Variants in INHBA observed in about 807,000 individuals in gnomAD.
The protein encoded by INHBA is inhibin beta A chain.
A neutral mutation model predicts 29.0 loss-of-function variants in INHBA; 1 was observed. The ratio of observed to expected loss-of-function variants is 0.03; its 90% CI spans 0.01 to 0.16. The LOEUF (loss-of-function observed/expected upper bound fraction) is 0.16. Ranked by LOEUF, INHBA falls within the 10% of genes least tolerant of loss-of-function variation. INHBA has a pLI of 1.00. For missense variants in INHBA, 376 were observed against 545.4 expected, an observed-to-expected ratio of 0.69 and a Z score of 3.09; for synonymous variants, 242 against 216.8, an observed-to-expected ratio of 1.12 and a Z score of -1.02.
In INHBA at chr7:41,688,829, T is replaced by C; in HGVS notation, c.*821A>G. ...AGAAAATAAAAATTAATCAGATTACTTCCAATACAAAAAAGTCTCTCTTTT... is the reference window on the plus strand; with the variant it reads ...AGAAAATAAAAATTAATCAGATTACCTCCAATACAAAAAAGTCTCTCTTTT... On this transcript the variant is annotated 3_prime_UTR_variant, in exon 3 of 3. Transcript: ENST00000242208. 4.6e-6 allele frequency: 1 copy of C among 216,704 alleles called. No homozygotes were observed. Among genetic ancestry groups the C allele is most frequent in the Non-Finnish European group, 9.3e-6 (1 of 107,648 alleles). The allele number at this position is 216,704 out of a possible 1,614,324, so 13.4% of individuals were successfully genotyped here. A position where few individuals can be genotyped will look rare whatever the true frequency, so the allele number is the denominator to read the frequency against.
chr7:41,700,092 C>T lies in INHBA; in HGVS notation c.283G>A (p.Val95Ile), dbSNP rs752403730. The T allele has an allele frequency of 1.9e-6, 3 of 1,614,128 alleles. No homozygotes were observed. Among genetic ancestry groups the T allele is most frequent in the South Asian group, 1.1e-5 (1 of 91,074 alleles). Reference protein sequence around the residue: ...NAIRKLHVGKVGENGYVEIED... With the variant: ...NAIRKLHVGKIGENGYVEIED... ...ATCTCCACATACCCGTTCTCCCCGA[C>T]TTTGCCCACATGAAGCTTTCTGATC... Residue 95 changes from valine (V) to isoleucine (I), a missense_variant, in exon 2 of 3, where the codon GTC (valine) becomes ATC (isoleucine). Coordinates refer to ENST00000242208, the MANE Select transcript of INHBA (RefSeq NM_002192.4).
intron 2 of INHBA, among the ~76,000 whole-genome samples, chr7:41,693,082 T>C (rs1024208083): frequency 6.6e-6 from 1 of 152,212 alleles, no homozygotes. Flanking sequence ...CTTCTGCCTC[T>C]ATGCAGGACA....
chr7:41,699,306 G>A (rs1794718647), intron 2 of INHBA, among the ~76,000 whole-genome samples: 1 of 152,014 alleles, frequency 6.6e-6, no homozygotes, highest in Admixed American at 6.5e-5. Context: ...TTTTCTTTCA[G>A]AGAGCAAAAG....
Position 41,700,477 on chromosome 7 carries a change from T to A in INHBA, c.-103A>T. The A allele has an allele frequency of 8.4e-7, 1 of 1,186,408 alleles. No individual in the cohort carries two copies. Among genetic ancestry groups the A allele is most frequent in the Middle Eastern group, 2.9e-4 (1 of 3,430 alleles). 73.5% of individuals were successfully genotyped at this position (1,186,408 alleles called of 1,614,324 possible). The stretch of plus-strand genomic sequence containing the variant: ...TGTGTGTGGATTTTTTTATTTTTTT[T>A]TTTGGTGTTTTTTTTTTCCTTCTCC... On this transcript the variant is annotated 5_prime_UTR_variant, in exon 2 of 3. Transcript: ENST00000242208.
In INHBA at chr7:41,700,841, A is replaced by AAGAGAGAGAGAGAGAGAGAGAG. The variant is rs3030163; in HGVS notation, c.-143-346_-143-325dup. On this transcript the variant is annotated intron_variant, in intron 1 of 2. Coordinates refer to ENST00000242208, the MANE Select transcript of INHBA (RefSeq NM_002192.4). ...AGGGGGAGAGGGAGAGAGGGAAAGG[A>AAGAGAGAGAGAGAGAGAGAGAG]AGAGAGAGAGAGAGAGAGAGAGAGA... is the stretch of plus-strand genomic sequence containing the variant. Among the ~76,000 whole-genome samples, 391 of 79,132 alleles carry AAGAGAGAGAGAGAGAGAGAGAG rather than the reference A, an allele frequency of 4.9e-3. 15 individuals are homozygous for AAGAGAGAGAGAGAGAGAGAGAG. The highest frequency in any genetic ancestry group is 6.6e-3 in the African/African-American group (133 of 20,250). 51.9% of individuals were successfully genotyped at this position (79,132 alleles called of 152,430 possible).
In INHBA at chr7:41,690,403, G is replaced by A. The variant is rs146274825; in HGVS notation, c.528C>T (p.Phe176=). Residue 176 remains phenylalanine (F), a synonymous_variant, in exon 3 of 3, where the codon TTC becomes TTT. Transcript: ENST00000242208. ...RTRTKVTIRL[F]QQQKHPQGSL... ...TGCCCTGCGGGTGCTTCTGCTGCTGGAAGAGGCGGATGGTGACTTTGGTCC... is the reference window on the plus strand; with the variant it reads ...TGCCCTGCGGGTGCTTCTGCTGCTGAAAGAGGCGGATGGTGACTTTGGTCC... 18 of 1,613,986 alleles carry A rather than the reference G, an allele frequency of 1.1e-5. No homozygotes were observed. Among genetic ancestry groups the A allele is most frequent in the African/African-American group, 4.0e-5 (3 of 74,912 alleles).
rs1209966702 is a variant in INHBA, at chr7:41,686,918, T to TTCTG, written c.*2731_*2732insCAGA. ...AATTTCTCACACTGTTTCTGCAGGT[T>TTCTG]CCGGTACCAAAGAAGATGCAGTTCA... is the stretch of plus-strand genomic sequence containing the variant. On this transcript the variant is annotated 3_prime_UTR_variant, in exon 3 of 3. Coordinates refer to ENST00000242208, the MANE Select transcript of INHBA (RefSeq NM_002192.4). 6.6e-6 allele frequency: 1 copy of TTCTG among 152,208 alleles called. No homozygotes were observed. The highest frequency in any genetic ancestry group is 1.9e-4 in the East Asian group (1 of 5,198). The allele number at this position is 152,208 out of a possible 1,614,324, so 9.4% of individuals were successfully genotyped here. A position where few individuals can be genotyped will look rare whatever the true frequency, so the allele number is the denominator to read the frequency against.
chr7:41,703,992 G>A (rs1328628700), upstream of INHBA, among the ~76,000 whole-genome samples: 2 of 152,120 alleles, frequency 1.3e-5, no homozygotes, highest in Non-Finnish European at 2.9e-5. Context: ...AGGAGGAAGG[G>A]GTCCTCTGAC....
At chr7:41,699,836 G>T in intron 2 of INHBA, 151 bp downstream of exon 2, 1 of 622,136 alleles carries the variant, frequency 1.6e-6, no homozygotes, top group Non-Finnish European at 2.8e-6. Context: ...CCCTCCGTCG[G>T]CTAGTCCGCT....
At position 41,687,052 on chromosome 7, in the gene INHBA, G is replaced by A. The variant is rs1411072394; in HGVS notation, c.*2598C>T. ...CCTTCCCACATGCATGATATCCAAG[G>A]TCGACAGACCTGGATTAGAATCCAC... On this transcript the variant is annotated 3_prime_UTR_variant, in exon 3 of 3. Transcript: ENST00000242208. 2 of 152,180 alleles carry A rather than the reference G, an allele frequency of 1.3e-5. No individual in the cohort carries two copies. The highest frequency in any genetic ancestry group is 2.4e-5 in the African/African-American group (1 of 41,436). 9.4% of individuals were successfully genotyped at this position (152,180 alleles called of 1,614,324 possible). A position where few individuals can be genotyped will look rare whatever the true frequency, so the allele number is the denominator to read the frequency against.
intron 1 of INHBA, among the ~76,000 whole-genome samples, chr7:41,701,055 T>G (rs1007661771): frequency 1.3e-5 from 2 of 152,112 alleles, no homozygotes; most frequent in Admixed American, 1.3e-4. Context: ...CTACTTTCTC[T>G]TCTAAAATAA....
chr7:41,700,267 C>T lies in INHBA; in HGVS notation c.108G>A (p.Pro36=), dbSNP rs745928293. The change falls in exon 2 of 3, where the codon CCG becomes CCA. Residue 36 remains proline (P), a synonymous_variant. Transcript: ENST00000242208. ...SEGHSAAPDC[P]SCALAALPKD... ...TTGGGAGGGCGGCCAGCGCACAGGA[C>T]GGACAGTCGGGGGCCGCGCTGTGCC... The T allele has an allele frequency of 3.7e-6, 6 of 1,606,598 alleles. No individual in the cohort carries two copies. The highest frequency in any genetic ancestry group is 3.3e-5 in the South Asian group (3 of 90,292).
rs771243659 is a variant in INHBA, at chr7:41,689,747, T to C, written c.1184A>G (p.Lys395Arg). 2.6e-5 allele frequency: 42 copies of C among 1,613,912 alleles called. No individual in the cohort carries two copies. In the Admixed American group the frequency reaches 6.7e-4, roughly 26 times the overall value. Residue 395 changes from lysine (K) to arginine (R), a missense_variant, in exon 3 of 3, where the codon AAG becomes AGG. Physicochemically the swap from Lys to Arg is conservative, Grantham distance 26. Coordinates refer to ENST00000242208, the MANE Select transcript of INHBA (RefSeq NM_002192.4). ...GTACAACATGGACATGGGTCTCAGC[T>C]TGGTGGGCACACAGCACGATTTGAG... ...ANLKSCCVPT[K>R]LRPMSMLYYD...
In INHBA at chr7:41,689,013, G is replaced by A. The variant is rs1794441064; in HGVS notation, c.*637C>T. On this transcript the variant is annotated 3_prime_UTR_variant, in exon 3 of 3. Transcript: ENST00000242208. ...TTAATGTTGTTTGTTTTGTTTTGTT[G>A]CAAAAGTGGTACAGAAAAAGGAAGT... The A allele has an allele frequency of 4.3e-6, 1 of 232,402 alleles. No homozygotes were observed. The highest frequency in any genetic ancestry group is 6.0e-5 in the East Asian group (1 of 16,546). The allele number at this position is 232,402 out of a possible 1,614,324, so 14.4% of individuals were successfully genotyped here.
At chr7:41,704,882 A>G (rs1794879412), upstream of INHBA, among the ~76,000 whole-genome samples, 1 of 152,070 alleles carries the variant, frequency 6.6e-6, no homozygotes, top group South Asian at 2.1e-4. Context: ...AGGAATCTGC[A>G]GCTCTCTGAC....
chr7:41,694,681 C>G (rs1047177991), intron 2 of INHBA, among the ~76,000 whole-genome samples: 6 of 152,172 alleles, frequency 3.9e-5, no homozygotes, highest in Admixed American at 3.3e-4. Context: ...GGCTTGTGAG[C>G]AAGGCTGTAT....
rs540587378 is a variant in INHBA at position 41,689,587 on chromosome 7, C to A, written c.*63G>T. The A allele has an allele frequency of 1.4e-5, 16 of 1,172,798 alleles. No individual in the cohort carries two copies. Among genetic ancestry groups the A allele is most frequent in the Admixed American group, 3.3e-5 (1 of 30,696 alleles). 72.6% of individuals were successfully genotyped at this position (1,172,798 alleles called of 1,614,324 possible). A position where few individuals can be genotyped will look rare whatever the true frequency, so the allele number is the denominator to read the frequency against. On this transcript the variant is annotated 3_prime_UTR_variant, in exon 3 of 3. Transcript: ENST00000242208. Reference sequence around the variant, plus strand: ...GTTAACTCAGAAACCTTAAAAATTTCTTCATTTTGCCACTGTCTTCTCTGG... The same window carrying A: ...GTTAACTCAGAAACCTTAAAAATTTATTCATTTTGCCACTGTCTTCTCTGG...
chr7:41,688,820 T>A lies in INHBA; in HGVS notation c.*830A>T, dbSNP rs1180292487. On this transcript the variant is annotated 3_prime_UTR_variant, in exon 3 of 3. Transcript: ENST00000242208. ...TCTCCTTGAAGAAAATAAAAATTAATCAGATTACTTCCAATACAAAAAAGT... is the reference window on the plus strand; with the variant it reads ...TCTCCTTGAAGAAAATAAAAATTAAACAGATTACTTCCAATACAAAAAAGT... 4.7e-6 allele frequency: 1 copy of A among 211,880 alleles called. No homozygotes were observed. The highest frequency in any genetic ancestry group is 7.0e-5 in the East Asian group (1 of 14,272). 13.1% of individuals were successfully genotyped at this position (211,880 alleles called of 1,614,324 possible). A position where few individuals can be genotyped will look rare whatever the true frequency, so the allele number is the denominator to read the frequency against.
chr7:41,690,447 G>A lies in INHBA; in HGVS notation c.484C>T (p.Pro162Ser). 2.5e-6 allele frequency: 4 copies of A among 1,613,998 alleles called. No individual in the cohort carries two copies. Among genetic ancestry groups the A allele is most frequent in the Non-Finnish European group, 3.4e-6 (4 of 1,180,016 alleles). The change falls in exon 3 of 3, where the codon CCC (proline) becomes TCC (serine). Residue 162 changes from proline to serine, a missense_variant. Physicochemically the swap from Pro to Ser is moderately conservative, Grantham distance 74. Around this residue, in one of 4 missense-constraint regions of INHBA, gnomAD observed 253 missense variants for 313.4 expected, o/e 0.81. Transcript: ENST00000242208. ...TTGGTCCTGGTCCTGTTGGCCTTGG[G>A]GACTTTTAGGAAGAGCCAGACTTCT... The part of the protein sequence containing the change: ...RAEVWLFLKV[P>S]KANRTRTKVT...
Sources: allele counts gnomAD v4.1 joint callset (sites outside exome capture counted in the v4.1 genomes callset), GRCh38; gene constraint gnomAD v4.1.1; regional missense constraint gnomAD v4.1.1; transcripts MANE v1.5; gene names NCBI Gene and HGNC (gene_info 2026-07-23, HGNC 2026-07-21).